The following RNF17 variants were observed in gnomAD, a reference collection of about 807,000 sequenced individuals.
The protein encoded by RNF17 is ring finger protein 17, also known as spermatogenesis associated 23.
In RNF17, 31 loss-of-function variants were observed where a neutral mutation model predicts 200.5. The observed-to-expected ratio is 0.15, with a 90% CI of 0.12 to 0.21. RNF17 has a LOEUF of 0.21. Among genes scored for constraint, RNF17 ranks in the 10% least tolerant of loss-of-function variants. RNF17 has a pLI of 1.00. For missense variants in RNF17, 1,628 were observed against 1,905.1 expected (o/e 0.85, Z 2.71); for synonymous variants, 606 against 637.8 (o/e 0.95, Z 0.75).
intron 32 of RNF17, among the ~76,000 whole-genome samples, chr13:24,872,042 C>A (rs757173644): frequency 6.5e-5 from 9 of 137,488 alleles, no homozygotes; most frequent in Non-Finnish European, 1.4e-4. Context: ...AATCTTGGCT[C>A]ACTGCAACCT....
chr13:24,780,762 GT>G (rs1227864885), intron 5 of RNF17, among the ~76,000 whole-genome samples: 1 of 152,054 alleles, frequency 6.6e-6, no homozygotes, highest in Non-Finnish European at 1.5e-5. Flanking sequence ...CCCACCTGTA[GT>G]TCCAGTTGCT....
intron 15 of RNF17, among the ~76,000 whole-genome samples, chr13:24,814,864 G>A (rs1470502563): frequency 1.3e-5 from 2 of 152,130 alleles, no homozygotes; most frequent in East Asian, 3.8e-4. Context: ...CTTTTAGGAT[G>A]GGTTTTTCTG....
intron 15 of RNF17, among the ~76,000 whole-genome samples, chr13:24,814,393 C>T (rs1293431146): frequency 6.6e-6 from 1 of 152,130 alleles, no homozygotes; most frequent in Non-Finnish European, 1.5e-5. Flanking sequence ...TTTATGAAGG[C>T]CAATTTAATT....
At chr13:24,779,113 C>T (rs759974997) in intron 4 of RNF17, among the ~76,000 whole-genome samples, 30 of 151,984 alleles carry the variant, frequency 2.0e-4, no homozygotes, top group Admixed American at 3.9e-4. Flanking sequence ...ATGAGAATCT[C>T]TTAAACCTGG....
At chr13:24,833,192 CT>C (rs1889609208) in intron 18 of RNF17, among the ~76,000 whole-genome samples, 1 of 152,196 alleles carries the variant, frequency 6.6e-6, no homozygotes, top group African/African-American at 2.4e-5. Flanking sequence ...GTAGTTTTTA[CT>C]GTGTCCATGC....
At chr13:24,781,054 A>G (rs1882295056) in intron 5 of RNF17, among the ~76,000 whole-genome samples, 2 of 152,206 alleles carry the variant, frequency 1.3e-5, no homozygotes, top group Non-Finnish European at 2.9e-5. Flanking sequence ...CAGGAATAAG[A>G]TAGACATTCC....
At chr13:24,869,105 A>G (rs1369274107) in intron 31 of RNF17, among the ~76,000 whole-genome samples, 1 of 141,818 alleles carries the variant, frequency 7.1e-6, no homozygotes, top group African/African-American at 2.5e-5. Context: ...GCCTCCCCTT[A>G]GGGTATAGCT....
At chr13:24,883,345 A>AAACT (rs769997926), downstream of RNF17, 4 of 1,613,192 alleles carry the variant, frequency 2.5e-6, no homozygotes, top group Non-Finnish European at 3.4e-6. Context: ...GGCCATTATT[A>AAACT]AACTCTATGA....
intron 15 of RNF17, among the ~76,000 whole-genome samples, chr13:24,807,334 T>C (rs374754933): frequency 2.7e-4 from 41 of 150,976 alleles, no homozygotes; most frequent in Non-Finnish European, 3.9e-4. Flanking sequence ...TTTTAATGAT[T>C]GCCATTCTAA....
intron 14 of RNF17, 125 bp downstream of exon 14, chr13:24,802,696 T>C (rs1479123662): frequency 8.8e-6 from 6 of 680,044 alleles, no homozygotes; most frequent in Non-Finnish European, 1.4e-5. Flanking sequence ...GTGAAAAATA[T>C]TGCTCTTAGA....
At chr13:24,865,066 C>A in intron 29 of RNF17, 68 bp downstream of exon 29, 1 of 1,164,326 alleles carries the variant, frequency 8.6e-7, no homozygotes, top group Non-Finnish European at 1.2e-6. Context: ...CACATTTTGT[C>A]TTACACTGTG....
chr13:24,792,089 A>G (rs924308966), intron 9 of RNF17, among the ~76,000 whole-genome samples: 6 of 152,174 alleles, frequency 3.9e-5, no homozygotes, highest in African/African-American at 1.4e-4. Context: ...TTATGCTTAC[A>G]TGGATAATCA....
In RNF17 at chr13:24,797,572, C is replaced by T. The variant is rs918312862; in HGVS notation, c.1399+1277C>T. ...GTCTGTGTTGAGTTTGCACATTCTCCCCGTGTCTGTGTGGGTTTTTTCAGG... is the reference window on the plus strand; with the variant it reads ...GTCTGTGTTGAGTTTGCACATTCTCTCCGTGTCTGTGTGGGTTTTTTCAGG... On this transcript the variant is annotated intron_variant, in intron 11 of 35. Transcript: ENST00000255324. 3.3e-5 allele frequency among the ~76,000 whole-genome samples: 5 copies of T among 152,060 alleles called. No individual in the cohort carries two copies. In the South Asian group the frequency reaches 8.3e-4, roughly 25 times the overall value.
chr13:24,776,145 C>G lies in RNF17; in HGVS notation c.317+1241C>G, dbSNP rs114298586. On this transcript the variant is annotated intron_variant, in intron 3 of 35. Transcript: ENST00000255324. ...TATTTATAAATCACTCTAGTTCCTTCTATTACATTCATTTTACCTCCTGCA... is the reference window on the plus strand; with the variant it reads ...TATTTATAAATCACTCTAGTTCCTTGTATTACATTCATTTTACCTCCTGCA... Among the ~76,000 whole-genome samples, 1,522 of 152,280 alleles carry G rather than the reference C, an allele frequency of 1.0e-2. 36 individuals carry two copies. The highest frequency in any genetic ancestry group is 0.034 in the African/African-American group (1,407 of 41,552).
chr13:24,827,785 A>G (rs1308908753), intron 16 of RNF17, among the ~76,000 whole-genome samples: 4 of 150,280 alleles, frequency 2.7e-5, no homozygotes, highest in Admixed American at 2.0e-4. Context: ...AGATCAAGGC[A>G]CTGTCTTATT....
At chr13:24,772,301 T>C (rs952309078) in intron 2 of RNF17, among the ~76,000 whole-genome samples, 7 of 152,208 alleles carry the variant, frequency 4.6e-5, no homozygotes, top group African/African-American at 1.7e-4. Context: ...CTGAATTCGA[T>C]GTTAAAGTTT....
rs1209157632 is a variant in RNF17, at chr13:24,789,377, T to C, written c.813T>C (p.Asp271=). Residue 271 remains aspartate (D), a synonymous_variant, in exon 8 of 36, where the codon GAT becomes GAC. Coordinates refer to ENST00000255324, the MANE Select transcript of RNF17 (RefSeq NM_031277.3). ...QIIRTLQLTS[D]SELAQVSSPQ... ...TCCGGACTTTGCAGTTAACTTCAGA[T>C]AGTGAATTAGCACAAGTTAGTTCTC... 1 of 1,604,682 alleles carries C rather than the reference T, an allele frequency of 6.2e-7. No homozygotes were observed. The highest frequency in any genetic ancestry group is 8.5e-7 in the Non-Finnish European group (1 of 1,173,216).
Position 24,804,438 on chromosome 13 carries a change from A to C in RNF17, c.2091+9A>C, listed in dbSNP as rs374401556. ...ATTTCTATCTTCAGTTGGTAAGTAT[A>C]TAATGTGTTTTTGAAATGAAGTTTT... On this transcript the variant is annotated intron_variant, in intron 15 of 35. Transcript: ENST00000255324. The C allele has an allele frequency of 7.7e-4, 1,217 of 1,578,768 alleles. No homozygotes were observed. The highest frequency in any genetic ancestry group is 8.7e-4 in the Non-Finnish European group (1,012 of 1,165,352).
At chr13:24,794,826 T>C (rs1354277619) in intron 10 of RNF17, among the ~76,000 whole-genome samples, 1 of 152,214 alleles carries the variant, frequency 6.6e-6, no homozygotes, top group Non-Finnish European at 1.5e-5. Context: ...CAAATGATTC[T>C]TGTGCCTCAG....
Sources: gnomAD v4.1 joint callset for allele counts (sites outside exome capture counted in the v4.1 genomes callset) on GRCh38, gnomAD v4.1.1 for gene constraint, MANE v1.5 for transcripts, NCBI Gene and HGNC (gene_info 2026-07-23, HGNC 2026-07-21) for gene names.